MANBAL: variants seen among roughly 807,000 people sequenced by gnomAD.
The protein encoded by MANBAL is mannosidase beta like, also known as protein MANBAL.
MANBAL carries 1 observed loss-of-function variant against 6.4 expected under a neutral mutation model. The ratio of observed to expected loss-of-function variants is 0.16; its 90% confidence interval spans 0.06 to 0.74. The LOEUF (loss-of-function observed/expected upper bound fraction) is 0.74, where lower values mean the gene tolerates loss of function less well. Among genes scored for constraint, MANBAL ranks in the 30% least tolerant of loss-of-function variants. The probability of loss-of-function intolerance (pLI) is 0.78; values close to 1 mark genes in which losing one functional copy is unlikely to be tolerated. For missense variants in MANBAL, 100 were observed against 107.8 expected (o/e 0.93, Z 0.32); for synonymous variants, 47 against 45.8 (o/e 1.03, Z -0.10).
At chr20:37,304,892 T>TA (rs1252975855) in intron 2 of MANBAL, among the ~76,000 whole-genome samples, 1 of 152,142 alleles carries the variant, frequency 6.6e-6, no homozygotes, top group African/African-American at 2.4e-5. Flanking sequence ...TGGGAGTTGA[T>TA]ACGATGTCAT....
At chr20:37,300,960 TG>T (rs1441269046) in intron 1 of MANBAL, among the ~76,000 whole-genome samples, 1 of 151,974 alleles carries the variant, frequency 6.6e-6, no homozygotes, top group Non-Finnish European at 1.5e-5. Flanking sequence ...GTGGCCAACG[TG>T]GTGAAACCCT....
At chr20:37,302,089 G>C (rs1410348504) in intron 2 of MANBAL, among the ~76,000 whole-genome samples, 1 of 152,170 alleles carries the variant, frequency 6.6e-6, no homozygotes, top group African/African-American at 2.4e-5. Context: ...CTCTTCTTCT[G>C]TAAGTATCTT....
intron 2 of MANBAL, among the ~76,000 whole-genome samples, chr20:37,311,592 AT>A (rs1222887405): frequency 6.6e-6 from 1 of 152,034 alleles, no homozygotes; most frequent in Non-Finnish European, 1.5e-5. Flanking sequence ...GGTTCAAGTG[AT>A]TCTCCTGCCT....
chr20:37,316,500 TC>T lies in MANBAL; in HGVS notation c.*87del. 1 of 1,248,022 alleles carries T rather than the reference TC, an allele frequency of 8.0e-7. No homozygotes were observed. Among genetic ancestry groups the T allele is most frequent in the Non-Finnish European group, 1.1e-6 (1 of 887,584 alleles). 77.3% of individuals were successfully genotyped at this position (1,248,022 alleles called of 1,614,324 possible). A position where few individuals can be genotyped will look rare whatever the true frequency, so the allele number is the denominator to read the frequency against. ...GAATCTACATTGTGTTCCCCCGCAT[TC>T]CAGGCTCAGGGTCTGAGGAGGCTGT... On this transcript the variant is annotated 3_prime_UTR_variant, in exon 3 of 3. Coordinates refer to ENST00000373606, the MANE Select transcript of MANBAL (RefSeq NM_001003897.2).
At chr20:37,298,319 G>A (rs770032720) in intron 1 of MANBAL, among the ~76,000 whole-genome samples, 13 of 152,136 alleles carry the variant, frequency 8.5e-5, no homozygotes, top group Non-Finnish European at 1.5e-4. Flanking sequence ...TTGTATAACC[G>A]TCATCACTGT....
intron 2 of MANBAL, among the ~76,000 whole-genome samples, chr20:37,307,924 G>A (rs1459206436): frequency 4.6e-5 from 7 of 152,280 alleles, no homozygotes; most frequent in Admixed American, 6.5e-5. Context: ...GAGAAGGTGC[G>A]GGTGCTGTCC....
At chr20:37,299,244 A>G (rs1454472213) in intron 1 of MANBAL, among the ~76,000 whole-genome samples, 3 of 151,308 alleles carry the variant, frequency 2.0e-5, no homozygotes, top group African/African-American at 7.3e-5. Flanking sequence ...CTCCTGCCTA[A>G]TTTATTATTT....
rs376720608 is a variant in MANBAL at position 37,316,397 on chromosome 20, G to C, written c.240G>C (p.Glu80Asp). Residue 80 changes from glutamate (E) to aspartate (D), a missense_variant, in exon 3 of 3, where the codon GAG (glutamate) becomes GAC (aspartate). Transcript: ENST00000373606. ...CTGTGAACAAGAGGCCCAAGAAAGAGACTAAGAAGAAGCGGTAGAAGAGGA... is the reference window on the plus strand; with the variant it reads ...CTGTGAACAAGAGGCCCAAGAAAGACACTAAGAAGAAGCGGTAGAAGAGGA... ...VPSVNKRPKK[E>D]TKKKR The C allele has an allele frequency of 6.2e-7, 1 of 1,613,604 alleles. No individual in the cohort carries two copies.
chr20:37,302,138 A>G, intron 2 of MANBAL: 4 of 1,192,164 alleles, frequency 3.4e-6, no homozygotes, highest in Non-Finnish European at 4.8e-6. Flanking sequence ...TTTCTTGCCC[A>G]CTCCCATTTG....
chr20:37,302,213 A>G, intron 2 of MANBAL: 1 of 1,549,432 alleles, frequency 6.5e-7, no homozygotes, highest in African/African-American at 1.4e-5. Context: ...CATCCCAGGA[A>G]TTGGCTATTG....
intron 2 of MANBAL, among the ~76,000 whole-genome samples, chr20:37,303,542 A>G (rs2069187473): frequency 6.6e-6 from 1 of 152,216 alleles, no homozygotes; most frequent in Admixed American, 6.5e-5. Flanking sequence ...CATTAACAAA[A>G]TGATGTATCT....
chr20:37,302,277 C>T, intron 2 of MANBAL: 1 of 1,550,588 alleles, frequency 6.4e-7, no homozygotes, highest in South Asian at 1.2e-5. Flanking sequence ...TTCCTGTCAA[C>T]AGGAGTTCCA....
Position 37,309,825 on chromosome 20 carries a change from G to C in MANBAL, c.151-6483G>C, listed in dbSNP as rs545840656. ...TAAATAAATAATGAGCCCCAGGCAA[G>C]CATCCACCCATTCTCAACACCTCAG... On this transcript the variant is annotated intron_variant, in intron 2 of 2. Coordinates refer to ENST00000373606, the MANE Select transcript of MANBAL (RefSeq NM_001003897.2). Among the ~76,000 whole-genome samples the C allele has an allele frequency of 2.0e-3, 307 of 152,306 alleles. 2 individuals are homozygous for C. The highest frequency in any genetic ancestry group is 7.0e-3 in the African/African-American group (290 of 41,572).
intron 1 of MANBAL, among the ~76,000 whole-genome samples, chr20:37,293,222 T>C (rs2068913314): frequency 6.6e-6 from 1 of 152,140 alleles, no homozygotes; most frequent in Non-Finnish European, 1.5e-5. Flanking sequence ...TATTACATTG[T>C]AATATATAAT....
At chr20:37,306,458 G>A (rs2069261285) in intron 2 of MANBAL, among the ~76,000 whole-genome samples, 1 of 152,148 alleles carries the variant, frequency 6.6e-6, no homozygotes, top group South Asian at 2.1e-4. Flanking sequence ...CCTTTTCATA[G>A]TAGGAGCAAG....
intron 2 of MANBAL, among the ~76,000 whole-genome samples, chr20:37,306,622 T>C (rs1215959877): frequency 2.0e-5 from 3 of 152,224 alleles, no homozygotes; most frequent in African/African-American, 7.2e-5. Flanking sequence ...AGCATTTTCT[T>C]GTAGGCTGGA....
At chr20:37,294,927 G>T (rs1318118337) in intron 1 of MANBAL, among the ~76,000 whole-genome samples, 4 of 152,180 alleles carry the variant, frequency 2.6e-5, no homozygotes, top group Non-Finnish European at 5.9e-5. Flanking sequence ...GAACTTCGCA[G>T]TGTCCAGTAA....
chr20:37,302,415 T>A (rs539435007), intron 2 of MANBAL: 2 of 1,495,764 alleles, frequency 1.3e-6, no homozygotes, highest in African/African-American at 1.4e-5. Context: ...TAGAGATTCT[T>A]GGATTGATCG....
At chr20:37,316,177 A>C in intron 2 of MANBAL, 131 bp from the exon 3 acceptor site, 2 of 774,858 alleles carry the variant, frequency 2.6e-6, no homozygotes, top group Non-Finnish European at 4.1e-6. Flanking sequence ...TGTGGGTGGT[A>C]GGTCCCGGGA....
Sources: gnomAD v4.1 joint callset for allele counts (sites outside exome capture counted in the v4.1 genomes callset) on GRCh38, gnomAD v4.1.1 for gene constraint, MANE v1.5 for transcripts, NCBI Gene and HGNC (gene_info 2026-07-23, HGNC 2026-07-21) for gene names.